Variants in EGFLAM observed in about 807,000 individuals in gnomAD.
EGFLAM encodes EGF like, fibronectin type III and laminin G domains.
EGFLAM carries 79 observed loss-of-function variants against 113.1 expected under a neutral mutation model. That is an observed-to-expected ratio of 0.70 (90% CI 0.58 to 0.84). The LOEUF (loss-of-function observed/expected upper bound fraction) is 0.84, where lower values mean the gene tolerates loss of function less well. Ranked by LOEUF, EGFLAM falls within the 40% of genes least tolerant of loss-of-function variation. The pLI is 0.00. For missense variants in EGFLAM, 1,265 were observed against 1,291.6 expected (o/e 0.98, Z 0.32); for synonymous variants, 504 against 487.6 (o/e 1.03, Z -0.44).
intron 12 of EGFLAM, among the ~76,000 whole-genome samples, chr5:38,423,842 A>T (rs887166722): frequency 3.3e-5 from 5 of 152,174 alleles, no homozygotes; most frequent in African/African-American, 1.2e-4. Context: ...TCCTGGGTCT[A>T]ACCTGGGTGC....
chr5:38,269,492 C>CTTT (rs372732442), intron 1 of EGFLAM, among the ~76,000 whole-genome samples: 3 of 138,038 alleles, frequency 2.2e-5, no homozygotes, highest in Admixed American at 7.2e-5. Flanking sequence ...CTTTTCTTTT[C>CTTT]TTTTTTTTTT....
At chr5:38,269,470 T>C (rs1274381125) in intron 1 of EGFLAM, among the ~76,000 whole-genome samples, 1 of 151,574 alleles carries the variant, frequency 6.6e-6, no homozygotes, top group Non-Finnish European at 1.5e-5. Flanking sequence ...ATTGATACAG[T>C]TGGTTGAACC....
chr5:38,459,554 A>T (rs1743204445), intron 20 of EGFLAM, among the ~76,000 whole-genome samples: 1 of 152,368 alleles, frequency 6.6e-6, no homozygotes, highest in Admixed American at 6.5e-5. Flanking sequence ...CGCAAGTTAG[A>T]TGAAGGTCCC....
Position 38,350,581 on chromosome 5 carries a change from G to A in EGFLAM, c.372G>A (p.Arg124=), listed in dbSNP as rs200987193. ...IAAYSQAGKG[R]LSSPRHVTTL... ...CTTACAGCCAGGCTGGCAAAGGGCG[G>A]CTGAGCTCTCCTCGGCATGTCACCA... The change falls in exon 4 of 22, where the codon CGG becomes CGA. Residue 124 remains arginine, a synonymous_variant. Transcript: ENST00000322350. 13 of 1,613,954 alleles carry A rather than the reference G, an allele frequency of 8.1e-6. No individual in the cohort carries two copies. Among genetic ancestry groups the A allele is most frequent in the African/African-American group, 8.0e-5 (6 of 74,934 alleles).
intron 6 of EGFLAM, among the ~76,000 whole-genome samples, chr5:38,375,535 G>A (rs1740343984): frequency 6.6e-6 from 1 of 152,196 alleles, no homozygotes. Context: ...GTCCTCTGTG[G>A]CCTGTTTATC....
chr5:38,328,201 G>A (rs2561128), intron 1 of EGFLAM, among the ~76,000 whole-genome samples: 6 of 152,100 alleles, frequency 3.9e-5, no homozygotes, highest in Non-Finnish European at 8.8e-5. Flanking sequence ...AATGTCTTAC[G>A]TGGCCAGAGC....
At chr5:38,360,702 C>T (rs79521255) in intron 5 of EGFLAM, among the ~76,000 whole-genome samples, 5,681 of 152,216 alleles carry the variant, frequency 0.037, 147 homozygotes, top group East Asian at 0.094. Flanking sequence ...CCTAGAACAG[C>T]GCCTAGCCCT....
rs370187190 is a variant in EGFLAM, at chr5:38,333,638, A to G, written c.98-3882A>G. ...TGTTCGTGTCCTTTGCCCACTTTTT[A>G]ATAGGGTTGTTTATTTTTCTCTTGT... On this transcript the variant is annotated intron_variant, in intron 1 of 21. Transcript: ENST00000322350. Among the ~76,000 whole-genome samples the G allele has an allele frequency of 2.0e-5, 3 of 151,710 alleles. No individual in the cohort carries two copies. In the East Asian group the frequency reaches 5.8e-4, roughly 29 times the overall value.
At chr5:38,417,808 A>G (rs1741699803) in intron 11 of EGFLAM, among the ~76,000 whole-genome samples, 1 of 151,116 alleles carries the variant, frequency 6.6e-6, no homozygotes, top group Non-Finnish European at 1.5e-5. Context: ...CGTGTCTCTG[A>G]CCTCCCTTCC....
At chr5:38,312,880 C>A (rs4320288) in intron 1 of EGFLAM, among the ~76,000 whole-genome samples, 4 of 151,832 alleles carry the variant, frequency 2.6e-5, no homozygotes, top group Non-Finnish European at 4.4e-5. Flanking sequence ...CTGAGGTCAG[C>A]AGTTCAAGAC....
chr5:38,373,214 GA>G lies in EGFLAM; in HGVS notation c.712+2753del, dbSNP rs1393154458. On this transcript the variant is annotated intron_variant, in intron 6 of 21. Coordinates refer to ENST00000322350, the MANE Select transcript of EGFLAM (RefSeq NM_152403.4). ...GGAGGAATAGTGTCCCCTTTTTACA[GA>G]TTAAAAAAAATGAGTTTTTAAAAGG... Among the ~76,000 whole-genome samples the G allele has an allele frequency of 9.9e-5, 14 of 142,126 alleles. No homozygotes were observed. In the South Asian group the frequency reaches 3.0e-3, roughly 31 times the overall value. 93.2% of individuals were successfully genotyped at this position (142,126 alleles called of 152,430 possible). A position where few individuals can be genotyped will look rare whatever the true frequency, so the allele number is the denominator to read the frequency against.
chr5:38,307,196 C>T (rs1240159028), intron 1 of EGFLAM, among the ~76,000 whole-genome samples: 1 of 152,206 alleles, frequency 6.6e-6, no homozygotes, highest in Non-Finnish European at 1.5e-5. Context: ...GGTTGTTTTT[C>T]AGTAACAGAT....
chr5:38,452,480 T>TA (rs1420708905), intron 19 of EGFLAM, among the ~76,000 whole-genome samples: 1 of 152,194 alleles, frequency 6.6e-6, no homozygotes, highest in Non-Finnish European at 1.5e-5. Flanking sequence ...TCTAGTGTGT[T>TA]ACTGCTGCAT....
chr5:38,328,723 G>GTTTTTTTTTTTTTTTTTTTTTAATTTT (rs3077265), intron 1 of EGFLAM, among the ~76,000 whole-genome samples: 1 of 103,026 alleles, frequency 9.7e-6, no homozygotes, highest in African/African-American at 3.6e-5. Flanking sequence ...AGCTATACTT[G>GTTTTTTTTTTTTTTTTTTTTTAATTTT]TTTTTTTTTT....
rs2961892 is a variant in EGFLAM at position 38,427,393 on chromosome 5, T to A, written c.2054+141T>A. The A allele has an allele frequency of 0.011, 15,182 of 1,409,802 alleles. 1,215 individuals carry two copies. In the African/African-American group the frequency reaches 0.18, roughly 17 times the overall value. The allele number at this position is 1,409,802 out of a possible 1,614,324, so 87.3% of individuals were successfully genotyped here. Reference sequence around the variant, plus strand: ...TTATCTTCTGAAACTTGTCCTGACTTGTCCTGCTTCAGGCAGATGACAGGC... The same window carrying A: ...TTATCTTCTGAAACTTGTCCTGACTAGTCCTGCTTCAGGCAGATGACAGGC... On this transcript the variant is annotated intron_variant, in intron 14 of 21. Coordinates refer to ENST00000322350, the MANE Select transcript of EGFLAM (RefSeq NM_152403.4).
intron 1 of EGFLAM, among the ~76,000 whole-genome samples, chr5:38,296,193 T>C (rs1032681057): frequency 6.6e-6 from 1 of 152,158 alleles, no homozygotes; most frequent in Non-Finnish European, 1.5e-5. Context: ...AGAAGAGTTG[T>C]CTCCATCTTT....
At chr5:38,298,776 C>T (rs1758506268) in intron 1 of EGFLAM, among the ~76,000 whole-genome samples, 1 of 152,066 alleles carries the variant, frequency 6.6e-6, no homozygotes, top group African/African-American at 2.4e-5. Context: ...TCATGGCTCA[C>T]TGTAGTGTCA....
intron 10 of EGFLAM, among the ~76,000 whole-genome samples, chr5:38,409,946 C>T (rs748943395): frequency 3.9e-5 from 6 of 152,078 alleles, no homozygotes; most frequent in East Asian, 1.9e-4. Flanking sequence ...GAACAACCAA[C>T]GGGCACCAGC....
chr5:38,436,057 C>CT (rs1742339514), intron 16 of EGFLAM, among the ~76,000 whole-genome samples: 1 of 152,056 alleles, frequency 6.6e-6, no homozygotes, highest in African/African-American at 2.4e-5. Flanking sequence ...ACCTTGTGAT[C>CT]TGCCCACCTT....
Sources: allele counts gnomAD v4.1 joint callset (sites outside exome capture counted in the v4.1 genomes callset), GRCh38; gene constraint gnomAD v4.1.1; transcripts MANE v1.5; gene names NCBI Gene and HGNC (gene_info 2026-07-23, HGNC 2026-07-21).